NT5M: variants seen among roughly 807,000 people sequenced by gnomAD.
The protein encoded by NT5M is 5'(3')-deoxyribonucleotidase, mitochondrial.
NT5M carries 22 observed loss-of-function variants against 22.2 expected under a neutral mutation model. That is an observed-to-expected ratio of 0.99 (90% CI 0.71 to 1.41). NT5M has a LOEUF of 1.41. NT5M is among the 40% of genes most tolerant of loss of function. The pLI is 0.00. For missense variants in NT5M, 322 were observed against 314.8 expected (o/e 1.02, Z -0.17); for synonymous variants, 167 against 133.0 (o/e 1.26, Z -1.76).
At chr17:17,326,601 C>A (rs114791598) in intron 3 of NT5M, among the ~76,000 whole-genome samples, 1 of 152,324 alleles carries the variant, frequency 6.6e-6, no homozygotes, top group African/African-American at 2.4e-5. Context: ...GACGCTGAAG[C>A]GCCCTTTCTC....
At chr17:17,315,220 C>G (rs995289598) in intron 2 of NT5M, among the ~76,000 whole-genome samples, 5 of 152,098 alleles carry the variant, frequency 3.3e-5, no homozygotes, top group Non-Finnish European at 5.9e-5. Flanking sequence ...TGCTCACTGT[C>G]GTGAAGCCTA....
intron 2 of NT5M, among the ~76,000 whole-genome samples, chr17:17,316,808 C>T (rs919220951): frequency 3.2e-4 from 48 of 149,244 alleles, no homozygotes; most frequent in Admixed American, 6.7e-4. Flanking sequence ...CTCTGCCTCC[C>T]GGGTTAAGCG....
chr17:17,313,931 G>A (rs958154869), intron 2 of NT5M, among the ~76,000 whole-genome samples: 37 of 152,208 alleles, frequency 2.4e-4, no homozygotes, highest in African/African-American at 7.2e-4. Flanking sequence ...GCAGCTCTGC[G>A]CGTGAGATAG....
intron 2 of NT5M, among the ~76,000 whole-genome samples, chr17:17,308,257 G>A (rs116456035): frequency 0.015 from 2,211 of 152,242 alleles, 53 homozygotes; most frequent in African/African-American, 0.05. Context: ...CAGAGGATGT[G>A]CTTCCCTGAG....
intron 3 of NT5M, among the ~76,000 whole-genome samples, chr17:17,342,521 A>G (rs1435088093): frequency 6.6e-6 from 1 of 152,168 alleles, no homozygotes; most frequent in South Asian, 2.1e-4. Context: ...ATATCTTACA[A>G]AAGCATTGGT....
chr17:17,314,156 C>T (rs2048976062), intron 2 of NT5M, among the ~76,000 whole-genome samples: 1 of 152,064 alleles, frequency 6.6e-6, no homozygotes, highest in Middle Eastern at 3.4e-3. Context: ...GCCTCAGCCT[C>T]TGGAGTACCT....
chr17:17,316,786 G>C (rs1279979528), intron 2 of NT5M, among the ~76,000 whole-genome samples: 1 of 150,536 alleles, frequency 6.6e-6, no homozygotes, highest in Non-Finnish European at 1.5e-5. Flanking sequence ...CGCAATCTCA[G>C]CTCACTGCAA....
chr17:17,320,449 G>C (rs769857678), intron 2 of NT5M, among the ~76,000 whole-genome samples: 1 of 152,092 alleles, frequency 6.6e-6, no homozygotes, highest in Non-Finnish European at 1.5e-5. Context: ...TATTGGGGGT[G>C]GAATAAAGGT....
At chr17:17,307,797 A>T (rs1183596643) in intron 2 of NT5M, among the ~76,000 whole-genome samples, 4 of 152,098 alleles carry the variant, frequency 2.6e-5, no homozygotes, top group Non-Finnish European at 4.4e-5. Context: ...CGGAGGTTGC[A>T]CGGTGAGCCA....
rs35712658 is a variant in NT5M, at chr17:17,312,644, C to CAAA, written c.368+6017_368+6019dup. On this transcript the variant is annotated intron_variant, in intron 2 of 4. Coordinates refer to ENST00000389022, the MANE Select transcript of NT5M (RefSeq NM_020201.4). ...GGGCAACAAGAGTGAAACTCCATCT[C>CAAA]AAAAAAAAAAAAAAAAAATGTATTC... Among the ~76,000 whole-genome samples the CAAA allele has an allele frequency of 4.1e-4, 44 of 107,312 alleles. 1 individual carries two copies. Among genetic ancestry groups the CAAA allele is most frequent in the African/African-American group, 1.1e-3 (29 of 27,046 alleles). 70.4% of individuals were successfully genotyped at this position (107,312 alleles called of 152,430 possible). A position where few individuals can be genotyped will look rare whatever the true frequency, so the allele number is the denominator to read the frequency against.
intron 4 of NT5M, among the ~76,000 whole-genome samples, chr17:17,345,607 G>A (rs2049741381): frequency 6.8e-6 from 1 of 147,426 alleles, no homozygotes; most frequent in African/African-American, 2.5e-5. Context: ...ACCAGCCTGG[G>A]CAACATGGTG....
chr17:17,306,148 C>G (rs1040759276), intron 1 of NT5M, among the ~76,000 whole-genome samples: 2 of 152,076 alleles, frequency 1.3e-5, no homozygotes, highest in African/African-American at 4.8e-5. Flanking sequence ...CTGAGTCCCT[C>G]CAGTTCTCAA....
chr17:17,315,739 T>C lies in NT5M; in HGVS notation c.369-7446T>C, dbSNP rs184773328. On this transcript the variant is annotated intron_variant, in intron 2 of 4. Transcript: ENST00000389022. ...TGAAGAGAGATTGATGTGATCTAAC[T>C]TAGGGTTTTTTTGTTTTTTTTTTTT... Among the ~76,000 whole-genome samples, 292 of 135,760 alleles carry C rather than the reference T, an allele frequency of 2.2e-3. 2 individuals carry two copies. The highest frequency in any genetic ancestry group is 7.7e-3 in the African/African-American group (265 of 34,502). The allele number at this position is 135,760 out of a possible 152,430, so 89.1% of individuals were successfully genotyped here. A position where few individuals can be genotyped will look rare whatever the true frequency, so the allele number is the denominator to read the frequency against.
At chr17:17,336,729 T>C (rs2049521865) in intron 3 of NT5M, among the ~76,000 whole-genome samples, 1 of 152,086 alleles carries the variant, frequency 6.6e-6, no homozygotes, top group South Asian at 2.1e-4. Context: ...TTTTGTATTT[T>C]TAGTAGAGGT....
chr17:17,339,416 C>G (rs561786727), intron 3 of NT5M, among the ~76,000 whole-genome samples: 2 of 152,242 alleles, frequency 1.3e-5, no homozygotes, highest in South Asian at 4.1e-4. Flanking sequence ...CATCTGCAAA[C>G]AAGGATAATT....
At chr17:17,318,639 G>A (rs949345465) in intron 2 of NT5M, among the ~76,000 whole-genome samples, 3 of 151,236 alleles carry the variant, frequency 2.0e-5, no homozygotes, top group African/African-American at 7.3e-5. Flanking sequence ...TACAAAATTA[G>A]CTGGACGTGG....
intron 2 of NT5M, among the ~76,000 whole-genome samples, chr17:17,309,057 G>A (rs2048869369): frequency 6.6e-6 from 1 of 151,986 alleles, no homozygotes; most frequent in South Asian, 2.1e-4. Flanking sequence ...GGGCTATTGG[G>A]AATAGTGCTG....
chr17:17,312,543 C>T (rs555830173), intron 2 of NT5M, among the ~76,000 whole-genome samples: 14 of 150,644 alleles, frequency 9.3e-5, no homozygotes, highest in African/African-American at 3.4e-4. Flanking sequence ...ACTCGGGAGG[C>T]TGAGGCAGGA....
intron 2 of NT5M, among the ~76,000 whole-genome samples, chr17:17,321,055 G>A (rs2049141178): frequency 6.6e-6 from 1 of 152,116 alleles, no homozygotes; most frequent in Non-Finnish European, 1.5e-5. Flanking sequence ...GCTTCGAAGG[G>A]AGCAGCTGGA....
Sources: allele counts gnomAD v4.1 joint callset (sites outside exome capture counted in the v4.1 genomes callset), GRCh38; gene constraint gnomAD v4.1.1; transcripts MANE v1.5; gene names NCBI Gene and HGNC (gene_info 2026-07-23, HGNC 2026-07-21).